Variants in LINC00305 observed in about 807,000 individuals in gnomAD.
LINC00305 encodes the protein long independently transcribed non-coding RNA 305.
chr18:64,091,980 A>C (rs1388109882), intron 3 of LINC00305, among the ~76,000 whole-genome samples: 1 of 152,228 alleles, frequency 6.6e-6, no homozygotes, highest in Non-Finnish European at 1.5e-5. Flanking sequence ...ATTTCCACAC[A>C]AAACCACTCC....
chr18:64,104,104 AC>A (rs1286623094), intron 1 of LINC00305: 2 of 152,204 alleles, frequency 1.3e-5, no homozygotes, highest in African/African-American at 4.8e-5. Context: ...TATAGGTGGT[AC>A]CTACATGGGA....
intron 3 of LINC00305, among the ~76,000 whole-genome samples, chr18:64,093,994 GT>G (rs1221095083): frequency 6.6e-6 from 1 of 152,180 alleles, no homozygotes; most frequent in East Asian, 1.9e-4. Context: ...AAGGGAAATA[GT>G]TTTCCGCTGA....
At chr18:64,120,577 T>C (rs1429894505) in intron 1 of LINC00305, among the ~76,000 whole-genome samples, 1 of 152,102 alleles carries the variant, frequency 6.6e-6, no homozygotes, top group Non-Finnish European at 1.5e-5. Context: ...GTGAGATGTC[T>C]GGAGGAAATT....
intron 3 of LINC00305, among the ~76,000 whole-genome samples, chr18:64,086,974 T>C (rs2051205832): frequency 2.0e-5 from 3 of 152,152 alleles, no homozygotes; most frequent in Non-Finnish European, 1.5e-5. Context: ...CTAATATTGC[T>C]AGCAAGAGAA....
intron 1 of LINC00305, among the ~76,000 whole-genome samples, chr18:64,109,418 G>C (rs892123823): frequency 6.6e-6 from 1 of 152,170 alleles, no homozygotes; most frequent in African/African-American, 2.4e-5. Flanking sequence ...ATTAGTAGTA[G>C]AAATAGGAAT....
At chr18:64,100,009 T>G (rs2051261882) in intron 1 of LINC00305, among the ~76,000 whole-genome samples, 1 of 152,212 alleles carries the variant, frequency 6.6e-6, no homozygotes, top group African/African-American at 2.4e-5. Context: ...ACTGAATTAG[T>G]AGCAGTCTCT....
At chr18:64,108,917 G>T (rs1005515162) in intron 1 of LINC00305, among the ~76,000 whole-genome samples, 3 of 152,174 alleles carry the variant, frequency 2.0e-5, no homozygotes, top group Admixed American at 2.0e-4. Flanking sequence ...TACATCTAGG[G>T]CTATTTTCCC....
intron 1 of LINC00305, among the ~76,000 whole-genome samples, chr18:64,116,422 T>A (rs1161207475): frequency 6.6e-6 from 1 of 152,240 alleles, no homozygotes; most frequent in Non-Finnish European, 1.5e-5. Context: ...TACTCCTATA[T>A]AAACATCTTA....
intron 1 of LINC00305, among the ~76,000 whole-genome samples, chr18:64,141,225 T>C (rs747336555): frequency 1.3e-5 from 2 of 152,074 alleles, no homozygotes; most frequent in Non-Finnish European, 2.9e-5. Context: ...GTTTTGAGTA[T>C]GGACGAATAA....
intron 1 of LINC00305, among the ~76,000 whole-genome samples, chr18:64,142,885 C>A (rs546285004): frequency 6.6e-6 from 1 of 152,046 alleles, no homozygotes; most frequent in Non-Finnish European, 1.5e-5. Context: ...CACTCAGAAA[C>A]AATGGGTTAT....
exon 3 of LINC00305, chr18:64,097,958 C>T (rs763498549): frequency 4.4e-6 from 2 of 457,938 alleles, no homozygotes; most frequent in South Asian, 3.1e-5. Flanking sequence ...CCATCTCCTG[C>T]TTTCCCTTTT....
chr18:64,136,421 C>G (rs914498949), intron 1 of LINC00305, among the ~76,000 whole-genome samples: 2 of 152,156 alleles, frequency 1.3e-5, no homozygotes, highest in African/African-American at 4.8e-5. Flanking sequence ...GAAGGCACCT[C>G]TTCACAGGGC....
intron 1 of LINC00305, among the ~76,000 whole-genome samples, chr18:64,140,722 G>A (rs574657420): frequency 1.2e-4 from 18 of 152,290 alleles, no homozygotes; most frequent in African/African-American, 4.1e-4. Context: ...TATGGCAAGA[G>A]AGACTTTGCA....
At chr18:64,143,843 TATAC>T (rs143221175) in intron 1 of LINC00305, among the ~76,000 whole-genome samples, 18,396 of 149,274 alleles carry the variant, frequency 0.12, 1,211 homozygotes, top group African/African-American at 0.15. Flanking sequence ...CTTATGTATG[TATAC>T]ATACATACAT....
At chr18:64,131,158 T>G (rs1180630062) in intron 1 of LINC00305, among the ~76,000 whole-genome samples, 1 of 152,206 alleles carries the variant, frequency 6.6e-6, no homozygotes, top group East Asian at 1.9e-4. Flanking sequence ...AAGATAGAAA[T>G]AATACGTTCA....
At chr18:64,121,328 G>A (rs934057070) in intron 1 of LINC00305, among the ~76,000 whole-genome samples, 13 of 151,774 alleles carry the variant, frequency 8.6e-5, no homozygotes, top group South Asian at 4.2e-4. Flanking sequence ...CAAAACCTCC[G>A]TCATCCACCC....
intron 1 of LINC00305, among the ~76,000 whole-genome samples, chr18:64,133,986 T>A (rs1014400944): frequency 1.3e-5 from 2 of 152,202 alleles, no homozygotes. Flanking sequence ...TAGTGTTTTT[T>A]AAAAAGTATA....
At chr18:64,124,439 A>G (rs939882257) in intron 1 of LINC00305, among the ~76,000 whole-genome samples, 4 of 152,058 alleles carry the variant, frequency 2.6e-5, no homozygotes, top group South Asian at 2.1e-4. Context: ...CTAAAATCAC[A>G]CCATGTTATT....
chr18:64,094,299 CT>C (rs1411947114), intron 3 of LINC00305, among the ~76,000 whole-genome samples: 1 of 152,314 alleles, frequency 6.6e-6, no homozygotes, highest in African/African-American at 2.4e-5. Context: ...ACAAGGTCCC[CT>C]TCTGAAAAGA....
Sources: gnomAD v4.1 joint callset for allele counts (sites outside exome capture counted in the v4.1 genomes callset) on GRCh38, gnomAD v4.1.1 for gene constraint, MANE v1.5 for transcripts, NCBI Gene and HGNC (gene_info 2026-07-23, HGNC 2026-07-21) for gene names.